The following MON2 variants were observed in gnomAD, a reference collection of about 807,000 sequenced individuals.
The protein encoded by MON2 is protein MON2 homolog.
MON2 carries 84 observed loss-of-function variants against 208.6 expected under a neutral mutation model. The ratio of observed to expected loss-of-function variants is 0.40; its 90% confidence interval spans 0.34 to 0.48. MON2 has a LOEUF of 0.48. Among genes scored for constraint, MON2 ranks in the 20% least tolerant of loss-of-function variants. The probability of loss-of-function intolerance (pLI) is 0.59; values close to 1 mark genes in which losing one functional copy is unlikely to be tolerated. For missense variants in MON2, 1,611 were observed against 2,015.4 expected (o/e 0.80, Z 3.84); for synonymous variants, 660 against 694.0 (o/e 0.95, Z 0.77).
At chr12:62,508,539 A>C in intron 8 of MON2, 59 bp downstream of exon 8, 1 of 1,518,264 alleles carries the variant, frequency 6.6e-7, no homozygotes, top group Non-Finnish European at 9.1e-7. Flanking sequence ...CCCTTTGTAA[A>C]AAGTGGTCTG....
intron 7 of MON2, among the ~76,000 whole-genome samples, chr12:62,503,938 C>G (rs1396718066): frequency 1.3e-5 from 2 of 151,858 alleles, no homozygotes; most frequent in Non-Finnish European, 2.9e-5. Context: ...TTCTTTGTAG[C>G]ACTTATCACC....
intron 1 of MON2, among the ~76,000 whole-genome samples, chr12:62,474,020 C>G (rs1351560211): frequency 1.3e-5 from 2 of 152,062 alleles, no homozygotes; most frequent in Non-Finnish European, 2.9e-5. Context: ...CATTTGCTCT[C>G]TTTACTGAGT....
At chr12:62,563,210 T>G (rs2074259529) in intron 26 of MON2, among the ~76,000 whole-genome samples, 1 of 152,192 alleles carries the variant, frequency 6.6e-6, no homozygotes, top group African/African-American at 2.4e-5. Context: ...CTTTCTATAC[T>G]TCAGCCTCCT....
At chr12:62,518,396 G>C (rs745310869) in intron 8 of MON2, among the ~76,000 whole-genome samples, 5 of 152,190 alleles carry the variant, frequency 3.3e-5, no homozygotes, top group African/African-American at 4.8e-5. Flanking sequence ...TGAGGACCAG[G>C]ATGCTTATAT....
At chr12:62,469,916 T>TTATC in intron 1 of MON2, among the ~76,000 whole-genome samples, 1 of 27,958 alleles carries the variant, frequency 3.6e-5, no homozygotes, top group Admixed American at 2.9e-4. Flanking sequence ...ATTTATTTAT[T>TTATC]TATTTATTTG....
chr12:62,499,286 A>G (rs2070709672), intron 5 of MON2, among the ~76,000 whole-genome samples: 1 of 152,164 alleles, frequency 6.6e-6, no homozygotes, highest in Non-Finnish European at 1.5e-5. Context: ...CAAGTATTGC[A>G]TTATATGTAT....
intron 1 of MON2, among the ~76,000 whole-genome samples, chr12:62,479,754 C>T (rs139566588): frequency 6.6e-6 from 1 of 152,204 alleles, no homozygotes; most frequent in African/African-American, 2.4e-5. Flanking sequence ...CTATTCAAGT[C>T]TGTAGAACTT....
chr12:62,493,022 C>CACACACAT (rs887941705), intron 2 of MON2, among the ~76,000 whole-genome samples: 4 of 148,854 alleles, frequency 2.7e-5, no homozygotes, highest in Non-Finnish European at 6.1e-5. Context: ...CACAGACACA[C>CACACACAT]ACACACATAC....
At chr12:62,562,214 A>G (rs1035470071) in intron 26 of MON2, among the ~76,000 whole-genome samples, 9 of 152,104 alleles carry the variant, frequency 5.9e-5, no homozygotes, top group African/African-American at 1.9e-4. Flanking sequence ...AAAATAAGAC[A>G]TAGGCCCTTT....
chr12:62,481,596 T>C (rs1342897864), intron 1 of MON2, among the ~76,000 whole-genome samples: 1 of 151,898 alleles, frequency 6.6e-6, no homozygotes, highest in African/African-American at 2.4e-5. Context: ...AATCGGGGCA[T>C]CAGGACTTAT....
Position 62,565,344 on chromosome 12 carries a change from G to T in MON2, c.4140G>T (p.Leu1380=). ...FSCKPPQYGQ[L]ETKHIANAKY... is the part of the protein sequence containing the mutation. ...GTAAACCTCCACAGTATGGACAGCT[G>T]GAAACAAAGCACATTGCAAATGCAA... Residue 1380 remains leucine (L), a synonymous_variant, in exon 27 of 35, where the codon CTG becomes CTT. Transcript: ENST00000393630. 6.2e-7 allele frequency: 1 copy of T among 1,610,240 alleles called. No individual in the cohort carries two copies.
intron 7 of MON2, among the ~76,000 whole-genome samples, chr12:62,502,861 A>C (rs1018711656): frequency 4.6e-5 from 7 of 152,144 alleles, no homozygotes; most frequent in African/African-American, 1.7e-4. Context: ...TTACCTACAA[A>C]ATGAGTGAAT....
chr12:62,499,796 C>T (rs1180620196), intron 5 of MON2, among the ~76,000 whole-genome samples: 1 of 151,936 alleles, frequency 6.6e-6, no homozygotes, highest in East Asian at 1.9e-4. Flanking sequence ...TCACTTGAAC[C>T]CGAGAGGCAG....
At chr12:62,524,732 C>A in intron 9 of MON2, 93 bp downstream of exon 9, 1 of 1,238,326 alleles carries the variant, frequency 8.1e-7, no homozygotes, top group South Asian at 1.6e-5. Context: ...AGTCAGAAGA[C>A]TTTTGGTATT....
At position 62,546,877 on chromosome 12, in the gene MON2, G is replaced by C; in HGVS notation, c.2578-20G>C. 6.4e-7 allele frequency: 1 copy of C among 1,567,710 alleles called. No homozygotes were observed. On this transcript the variant is annotated intron_variant, in intron 21 of 34. Coordinates refer to ENST00000393630, the MANE Select transcript of MON2 (RefSeq NM_015026.3). ...CTTTTTGGACTTCTCTTCCTAATTA[G>C]TTTCTTGCCCCCTTTTCAGAGGCTG...
rs1371676034 is a variant in MON2, at chr12:62,600,029, G to A, written c.*7280G>A. On this transcript the variant is annotated 3_prime_UTR_variant, in exon 35 of 35. Transcript: ENST00000393630. ...TGTGGTTAAGAGCCCAGAGTCTGGG[G>A]CCAGGCTTCTTAGATGCAAATCCCA... 1 of 152,172 alleles carries A rather than the reference G, an allele frequency of 6.6e-6. No individual in the cohort carries two copies. The highest frequency in any genetic ancestry group is 1.5e-5 in the Non-Finnish European group (1 of 68,030). The allele number at this position is 152,172 out of a possible 1,614,324, so 9.4% of individuals were successfully genotyped here.
At position 62,466,865 on chromosome 12, in the gene MON2, G is replaced by A. The variant is rs1240141926; in HGVS notation, c.-343G>A. The A allele has an allele frequency of 2.2e-6, 1 of 454,634 alleles. No individual in the cohort carries two copies. Among genetic ancestry groups the A allele is most frequent in the Non-Finnish European group, 3.9e-6 (1 of 257,082 alleles). The allele number at this position is 454,634 out of a possible 1,614,324, so 28.2% of individuals were successfully genotyped here. ...CGTCGGCGAGTCTTAGGGGCCTGGG[G>A]AGCTGGCGCTGAAGCTTCTTGCCAG... On this transcript the variant is annotated 5_prime_UTR_variant, in exon 1 of 35. Transcript: ENST00000393630.
chr12:62,526,508 C>G (rs113933487), intron 11 of MON2, among the ~76,000 whole-genome samples: 6 of 151,982 alleles, frequency 3.9e-5, no homozygotes, highest in African/African-American at 1.4e-4. Flanking sequence ...AGTGATATAT[C>G]TAATTTTCAG....
At chr12:62,578,960 G>A (rs1314830522) in intron 31 of MON2, among the ~76,000 whole-genome samples, 1 of 152,062 alleles carries the variant, frequency 6.6e-6, no homozygotes, top group Non-Finnish European at 1.5e-5. Flanking sequence ...TTGAGGCTGG[G>A]AACTGTGACT....
Sources: allele counts gnomAD v4.1 joint callset (sites outside exome capture counted in the v4.1 genomes callset), GRCh38; gene constraint gnomAD v4.1.1; transcripts MANE v1.5; gene names NCBI Gene and HGNC (gene_info 2026-07-23, HGNC 2026-07-21).